The following MAP3K13 variants were observed in gnomAD, a reference collection of about 807,000 sequenced individuals.
The protein encoded by MAP3K13 is mitogen-activated protein kinase kinase kinase 13, also known as leucine zipper-bearing kinase.
MAP3K13 carries 52 observed loss-of-function variants against 104.0 expected under a neutral mutation model. The observed-to-expected ratio is 0.50, with a 90% CI of 0.40 to 0.63. MAP3K13 has a LOEUF of 0.63. Among genes scored for constraint, MAP3K13 ranks in the 20% least tolerant of loss-of-function variants. The pLI is 0.00. For synonymous variants in MAP3K13, 394 were observed against 442.2 expected (o/e 0.89, Z 1.37); for missense variants, 914 against 1,218.5 (o/e 0.75, Z 3.72).
Position 185,473,178 on chromosome 3 carries a change from C to T in MAP3K13, c.1847C>T (p.Pro616Leu), listed in dbSNP as rs776154686. ...LKNQPAQENS[P>L]HPTYLHQAQS... Reference sequence around the variant, plus strand: ...AACCAGCCAGCCCAGGAAAATTCACCCCATCCCACTTACCTGCACCAAGCT... The same window carrying T: ...AACCAGCCAGCCCAGGAAAATTCACTCCATCCCACTTACCTGCACCAAGCT... Residue 616 changes from proline (P) to leucine (L), a missense_variant, in exon 11 of 14, where the codon CCC becomes CTC. Transcript: ENST00000265026. This position sits in a 1 kb window ranked among gnomAD's most constrained non-coding sequence, Gnocchi z 4.9. 9 of 1,614,126 alleles carry T rather than the reference C, an allele frequency of 5.6e-6. No homozygotes were observed. In the East Asian group the frequency reaches 1.8e-4, roughly 32 times the overall value.
chr3:185,300,656 T>C (rs1214212176), intron 2 of MAP3K13, among the ~76,000 whole-genome samples: 1 of 151,988 alleles, frequency 6.6e-6, no homozygotes, highest in Non-Finnish European at 1.5e-5. Context: ...TCACGCTGGC[T>C]AATTTTTGTA....
At chr3:185,361,191 T>C (rs10937214), upstream of MAP3K13, among the ~76,000 whole-genome samples, 107,585 of 149,070 alleles carry the variant, frequency 0.72, 41,131 homozygotes, top group Non-Finnish European at 0.86. Flanking sequence ...TATATATATA[T>C]ACACACACAC....
chr3:185,321,124 AT>A (rs1721848161), intron 2 of MAP3K13, among the ~76,000 whole-genome samples: 1 of 151,664 alleles, frequency 6.6e-6, no homozygotes, highest in East Asian at 1.9e-4. Context: ...GTGCACACAC[AT>A]ATACACATGT....
chr3:185,367,019 ATTT>A (rs1723922531), intron 1 of MAP3K13, among the ~76,000 whole-genome samples: 1 of 152,048 alleles, frequency 6.6e-6, no homozygotes, highest in African/African-American at 2.4e-5. Flanking sequence ...GGTCATAAAG[ATTT>A]ACTTCTATGT....
intron 1 of MAP3K13, among the ~76,000 whole-genome samples, chr3:185,389,982 T>C (rs190532614): frequency 6.0e-4 from 91 of 152,322 alleles, no homozygotes; most frequent in African/African-American, 2.1e-3. Context: ...GATAACTGGA[T>C]TCTCATATCT....
chr3:185,286,205 C>T (rs937193913), intron 2 of MAP3K13, among the ~76,000 whole-genome samples: 1 of 151,840 alleles, frequency 6.6e-6, no homozygotes, highest in African/African-American at 2.4e-5. Flanking sequence ...ATCTTTCTGT[C>T]TCAAGGGGGC....
At chr3:185,344,123 T>A (rs1320143613) in intron 2 of MAP3K13, among the ~76,000 whole-genome samples, 1 of 152,242 alleles carries the variant, frequency 6.6e-6, no homozygotes, top group Non-Finnish European at 1.5e-5. Flanking sequence ...CAATTTTGCA[T>A]ATGTTGATGG....
At chr3:185,479,378 T>C (rs922148631) in intron 12 of MAP3K13, among the ~76,000 whole-genome samples, 1 of 152,192 alleles carries the variant, frequency 6.6e-6, no homozygotes, top group African/African-American at 2.4e-5. Context: ...CCTTTTCTCA[T>C]GGTGTGGCCT....
At chr3:185,435,491 G>A (rs1053019441) in intron 2 of MAP3K13, among the ~76,000 whole-genome samples, 2 of 152,240 alleles carry the variant, frequency 1.3e-5, no homozygotes, top group Admixed American at 1.3e-4. Flanking sequence ...AATAGCCAAC[G>A]CTATCACTTG....
chr3:185,452,063 T>C (rs1331657165), intron 7 of MAP3K13, among the ~76,000 whole-genome samples: 3 of 152,078 alleles, frequency 2.0e-5, no homozygotes, highest in African/African-American at 7.2e-5. Flanking sequence ...GTAGAAAAGC[T>C]GAAGTACAGA....
chr3:185,345,568 C>T (rs1364335493), intron 2 of MAP3K13, among the ~76,000 whole-genome samples: 3 of 152,140 alleles, frequency 2.0e-5, no homozygotes, highest in Non-Finnish European at 4.4e-5. Flanking sequence ...ATTAGATTTT[C>T]ATAGGAGCAG....
chr3:185,323,579 C>T (rs897637041), intron 2 of MAP3K13, among the ~76,000 whole-genome samples: 3 of 152,048 alleles, frequency 2.0e-5, no homozygotes, highest in Non-Finnish European at 2.9e-5. Context: ...GTGATCTGCC[C>T]GCCTCGGCCT....
At position 185,423,525 on chromosome 3, in the gene MAP3K13, C is replaced by T. The variant is rs1289190004; in HGVS notation, c.-85-4972C>T. ...TAATGTCAAAGCTCAGAGATGAGCA[C>T]GAAAAGAACAGGGGAGGGGAGGCTG... On this transcript the variant is annotated intron_variant, in intron 1 of 13. Transcript: ENST00000265026. The surrounding 1 kb of genome is among the most constrained non-coding windows in gnomAD (Gnocchi z 4.1). 6.6e-6 allele frequency among the ~76,000 whole-genome samples: 1 copy of T among 152,080 alleles called. No individual in the cohort carries two copies. Among genetic ancestry groups the T allele is most frequent in the Non-Finnish European group, 1.5e-5 (1 of 68,008 alleles).
intron 1 of MAP3K13, among the ~76,000 whole-genome samples, chr3:185,367,345 G>A (rs545147610): frequency 5.3e-5 from 8 of 152,192 alleles, no homozygotes; most frequent in South Asian, 2.1e-4. Context: ...ATGTGCAGCC[G>A]GGCTTGAAAA....
chr3:185,386,113 GA>G (rs1472291209), intron 1 of MAP3K13, among the ~76,000 whole-genome samples: 3 of 151,844 alleles, frequency 2.0e-5, no homozygotes, highest in Non-Finnish European at 4.4e-5. Context: ...ACTGTCAACA[GA>G]ATAAACAGAC....
At chr3:185,303,425 G>T (rs1033284688) in intron 2 of MAP3K13, among the ~76,000 whole-genome samples, 2 of 152,108 alleles carry the variant, frequency 1.3e-5, no homozygotes, top group Admixed American at 6.6e-5. Flanking sequence ...TGGTAGAATT[G>T]TCCATTGAAG....
chr3:185,413,603 A>G (rs187213801), intron 1 of MAP3K13, among the ~76,000 whole-genome samples: 200 of 152,226 alleles, frequency 1.3e-3, no homozygotes, highest in African/African-American at 4.6e-3. Context: ...GGGTGGATCA[A>G]CTGAGGCCAG....
chr3:185,451,915 G>C (rs544261677), intron 7 of MAP3K13, among the ~76,000 whole-genome samples: 1 of 151,136 alleles, frequency 6.6e-6, no homozygotes, highest in Non-Finnish European at 1.5e-5. Context: ...AAAAACACGT[G>C]TCAGAATATT....
At chr3:185,324,201 G>T (rs1311145342) in intron 2 of MAP3K13, among the ~76,000 whole-genome samples, 1 of 151,818 alleles carries the variant, frequency 6.6e-6, no homozygotes, top group African/African-American at 2.4e-5. Flanking sequence ...TTTATTTTTA[G>T]TAGAGACGGG....
Sources: allele counts gnomAD v4.1 joint callset (sites outside exome capture counted in the v4.1 genomes callset), GRCh38; gene constraint gnomAD v4.1.1; non-coding constraint Gnocchi (gnomAD v3.1); transcripts MANE v1.5; gene names NCBI Gene and HGNC (gene_info 2026-07-23, HGNC 2026-07-21).